CRTAC1: variants seen among roughly 807,000 people sequenced by gnomAD.
CRTAC1 encodes the protein cartilage acidic protein 1.
CRTAC1 carries 37 observed loss-of-function variants against 67.8 expected under a neutral mutation model. The observed-to-expected ratio is 0.55, with a 90% CI of 0.42 to 0.72. The LOEUF is 0.72. CRTAC1 is among the 30% of genes least tolerant of loss of function. CRTAC1 has a pLI of 0.00. For missense variants in CRTAC1, 780 were observed against 931.6 expected (o/e 0.84, Z 2.12); for synonymous variants, 348 against 371.0 (o/e 0.94, Z 0.71).
intron 11 of CRTAC1, among the ~76,000 whole-genome samples, chr10:97,889,151 GAGGGAGA>G (rs2050328257): frequency 1.5e-5 from 2 of 136,956 alleles, no homozygotes; most frequent in Admixed American, 1.4e-4. Context: ...GGGAAGGGGG[GAGGGAGA>G]ATGGTTGGGG....
chr10:98,001,763 A>G (rs1256792113), intron 2 of CRTAC1, among the ~76,000 whole-genome samples: 2 of 152,232 alleles, frequency 1.3e-5, no homozygotes, highest in African/African-American at 4.8e-5. Context: ...CCACACATCC[A>G]TTTGTGTTCT....
At chr10:97,985,406 G>A (rs2051963852) in intron 2 of CRTAC1, among the ~76,000 whole-genome samples, 2 of 152,012 alleles carry the variant, frequency 1.3e-5, no homozygotes, top group Non-Finnish European at 2.9e-5. Context: ...ACCAGTCTAT[G>A]GGCTGCTCCA....
chr10:97,950,285 A>AGG (rs1564908778), intron 2 of CRTAC1, among the ~76,000 whole-genome samples: 35 of 150,284 alleles, frequency 2.3e-4, no homozygotes, highest in Non-Finnish European at 4.5e-4. Flanking sequence ...AGAGAGAGAG[A>AGG]GAGAGTATGG....
At position 97,939,144 on chromosome 10, in the gene CRTAC1, C is replaced by T. The variant is rs531098258; in HGVS notation, c.225-2778G>A. On this transcript the variant is annotated intron_variant, in intron 2 of 14. Coordinates refer to ENST00000370597, the MANE Select transcript of CRTAC1 (RefSeq NM_018058.7). ...GTCTCCTAGAATGTCTTCACCACCC[C>T]CTGAAGCCAGTTCCAAGGGAGAGGT... 3.5e-3 allele frequency among the ~76,000 whole-genome samples: 530 copies of T among 152,286 alleles called. 2 individuals carry two copies. Among genetic ancestry groups the T allele is most frequent in the Non-Finnish European group, 5.5e-3 (376 of 68,022 alleles).
intron 1 of CRTAC1, among the ~76,000 whole-genome samples, chr10:98,021,723 C>G (rs1843124652): frequency 6.6e-6 from 1 of 152,164 alleles, no homozygotes; most frequent in African/African-American, 2.4e-5. Flanking sequence ...GAATGCATCT[C>G]AGGTGAGGGA....
rs1416847378 is a variant in CRTAC1 at position 97,908,119 on chromosome 10, G to A, written c.744C>T (p.Ile248=). Residue 248 remains isoleucine, a synonymous_variant, in exon 6 of 15, where the codon ATC becomes ATT. Transcript: ENST00000370597. ...TGGRGVSVGP[I]LSSSASDIFC... ...AGATATCCGAGGCACTGCTGCTGAG[G>A]ATGGGGCCCACGCTGACGCCTCGGC... The A allele has an allele frequency of 1.9e-6, 3 of 1,614,148 alleles. No homozygotes were observed. The highest frequency in any genetic ancestry group is 1.7e-5 in the Admixed American group (1 of 60,030).
chr10:97,891,906 A>G (rs2136552019), intron 11 of CRTAC1, among the ~76,000 whole-genome samples: 1 of 152,342 alleles, frequency 6.6e-6, no homozygotes, highest in Middle Eastern at 3.4e-3. Flanking sequence ...TCGTGACCCA[A>G]GGGCCCTGCC....
intron 14 of CRTAC1, chr10:97,879,489 CT>C (rs1434288294): frequency 1.7e-5 from 10 of 574,276 alleles, no homozygotes; most frequent in Non-Finnish European, 2.3e-5. Context: ...CAAAGAAAGT[CT>C]TCACAAACAA....
chr10:97,868,914 ACT>A (rs1470379065), intron 14 of CRTAC1: 1 of 148,180 alleles, frequency 6.7e-6, no homozygotes, highest in East Asian at 2.0e-4. Context: ...CTAGGCTAAG[ACT>A]CTACATAATT....
chr10:97,896,890 TCC>T lies in CRTAC1; in HGVS notation c.1216+17_1216+18del. ...TGCTAAGGGGGCAGTGCAGGCCAGA[TCC>T]CCCAGGTGCCCCTCACCTGTGCCCC... is the stretch of plus-strand genomic sequence containing the variant. On this transcript the variant is annotated intron_variant, in intron 9 of 14. Transcript: ENST00000370597. The T allele has an allele frequency of 7.4e-7, 1 of 1,351,896 alleles. No individual in the cohort carries two copies. Among genetic ancestry groups the T allele is most frequent in the Non-Finnish European group, 9.9e-7 (1 of 1,014,190 alleles). The allele number at this position is 1,351,896 out of a possible 1,614,324, so 83.7% of individuals were successfully genotyped here. A position where few individuals can be genotyped will look rare whatever the true frequency, so the allele number is the denominator to read the frequency against.
intron 3 of CRTAC1, among the ~76,000 whole-genome samples, chr10:97,934,527 C>T (rs981813284): frequency 1.3e-5 from 2 of 152,190 alleles, no homozygotes; most frequent in South Asian, 2.1e-4. Context: ...TATGCAACTG[C>T]AGGACTCAAC....
chr10:98,019,088 G>A (rs1843064918), intron 1 of CRTAC1, among the ~76,000 whole-genome samples: 1 of 152,128 alleles, frequency 6.6e-6, no homozygotes, highest in African/African-American at 2.4e-5. Flanking sequence ...GAGCTGGGAA[G>A]TGCTTCCTAG....
chr10:98,008,155 C>T (rs1430694897), intron 2 of CRTAC1, among the ~76,000 whole-genome samples: 1 of 152,170 alleles, frequency 6.6e-6, no homozygotes, highest in African/African-American at 2.4e-5. Flanking sequence ...AGACCCAGGC[C>T]AGCACCAGCC....
At chr10:97,998,917 G>A (rs191073610) in intron 2 of CRTAC1, among the ~76,000 whole-genome samples, 10 of 152,260 alleles carry the variant, frequency 6.6e-5, no homozygotes, top group South Asian at 2.1e-4. Flanking sequence ...AAGTTAAAAC[G>A]TATGTAAAGT....
At chr10:97,892,317 C>T (rs2050387084) in intron 11 of CRTAC1, among the ~76,000 whole-genome samples, 1 of 152,218 alleles carries the variant, frequency 6.6e-6, no homozygotes, top group African/African-American at 2.4e-5. Context: ...CCCCATTCTG[C>T]CCTTGCCATT....
intron 11 of CRTAC1, among the ~76,000 whole-genome samples, chr10:97,888,314 G>A (rs553549174): frequency 2.0e-5 from 3 of 152,330 alleles, no homozygotes; most frequent in South Asian, 4.1e-4. Flanking sequence ...TTTGGGTATT[G>A]CAGGAGGAGT....
chr10:97,897,257 G>A (rs2050474084), intron 8 of CRTAC1, among the ~76,000 whole-genome samples: 1 of 152,160 alleles, frequency 6.6e-6, no homozygotes, highest in African/African-American at 2.4e-5. Flanking sequence ...GGCAGTTGAT[G>A]GATGAAGAAG....
chr10:97,922,421 CT>C (rs2050854150), intron 4 of CRTAC1, among the ~76,000 whole-genome samples: 1 of 152,262 alleles, frequency 6.6e-6, no homozygotes, highest in Non-Finnish European at 1.5e-5. Context: ...CCTCTTGCCC[CT>C]GCCCCCAGAA....
At chr10:97,878,736 G>C in intron 14 of CRTAC1, 1 of 1,299,380 alleles carries the variant, frequency 7.7e-7, no homozygotes. Context: ...TGTCCAGCCA[G>C]ACATTGAGGA....
Sources: allele counts gnomAD v4.1 joint callset (sites outside exome capture counted in the v4.1 genomes callset), GRCh38; gene constraint gnomAD v4.1.1; transcripts MANE v1.5; gene names NCBI Gene and HGNC (gene_info 2026-07-23, HGNC 2026-07-21).